The following DACH1 variants were observed in gnomAD, a reference collection of about 807,000 sequenced individuals.
DACH1 encodes dachshund family transcription factor 1.
In DACH1, 12 loss-of-function variants were observed where a neutral mutation model predicts 54.2. That is an observed-to-expected ratio of 0.22 (90% CI 0.14 to 0.36). DACH1 has a LOEUF of 0.36. DACH1 is among the 10% of genes least tolerant of loss of function. DACH1 has a pLI of 1.00. For synonymous variants in DACH1, 386 were observed against 366.2 expected (o/e 1.05, Z -0.62); for missense variants, 805 against 929.8 (o/e 0.87, Z 1.75).
chr13:71,586,181 C>T (rs896098094), intron 3 of DACH1, among the ~76,000 whole-genome samples: 8 of 152,072 alleles, frequency 5.3e-5, no homozygotes, highest in Non-Finnish European at 1.0e-4. Context: ...TACCAGCTCA[C>T]CAATAACTGA....
At chr13:71,565,014 C>T (rs377594554) in intron 4 of DACH1, among the ~76,000 whole-genome samples, 1 of 151,970 alleles carries the variant, frequency 6.6e-6, no homozygotes, top group Non-Finnish European at 1.5e-5. Context: ...CTCCACCTCC[C>T]TGGTTCAAGC....
Position 71,866,592 on chromosome 13 carries a change from T to C in DACH1, c.178A>G (p.Ile60Val). 4 of 1,298,958 alleles carry C rather than the reference T, an allele frequency of 3.1e-6. No homozygotes were observed. In the African/African-American group the frequency reaches 6.1e-5, roughly 20 times the overall value. The allele number at this position is 1,298,958 out of a possible 1,614,324, so 80.5% of individuals were successfully genotyped here. A position where few individuals can be genotyped will look rare whatever the true frequency, so the allele number is the denominator to read the frequency against. Residue 60 changes from isoleucine to valine, a missense_variant, in exon 1 of 11, where the codon ATC becomes GTC. By Grantham distance (29) the Ile-to-Val change is conservative. Transcript: ENST00000613252. ...SGPTLFRPEP[I>V]ASAAAAAATV... ...GCCGCCGCCGCCGCCGCCGAAGCGA[T>C]GGGCTCCGGGCGGAACAGAGTTGGC...
intron 10 of DACH1, among the ~76,000 whole-genome samples, chr13:71,470,885 A>AGGC (rs1877010152): frequency 6.6e-6 from 1 of 152,198 alleles, no homozygotes; most frequent in African/African-American, 2.4e-5. Context: ...GATAAGAAGA[A>AGGC]GGCATTGAAC....
At chr13:71,484,578 G>A (rs1280237618) in intron 7 of DACH1, among the ~76,000 whole-genome samples, 1 of 152,044 alleles carries the variant, frequency 6.6e-6, no homozygotes, top group Non-Finnish European at 1.5e-5. Flanking sequence ...TCCCCTCATG[G>A]CAAATATCTT....
At chr13:71,744,626 T>G (rs1884532151) in intron 1 of DACH1, among the ~76,000 whole-genome samples, 2 of 152,224 alleles carry the variant, frequency 1.3e-5, no homozygotes, top group Admixed American at 1.3e-4. Flanking sequence ...AAGACCATGC[T>G]GCTAAGAATA....
chr13:71,779,523 T>G (rs1186779997), intron 1 of DACH1, among the ~76,000 whole-genome samples: 1 of 151,894 alleles, frequency 6.6e-6, no homozygotes, highest in Non-Finnish European at 1.5e-5. Flanking sequence ...CTCCAACTTT[T>G]TGCTTGTAAA....
At chr13:71,630,525 C>G in intron 3 of DACH1, 31 bp downstream of exon 3, 1 of 1,532,444 alleles carries the variant, frequency 6.5e-7, no homozygotes, top group Non-Finnish European at 8.7e-7. Flanking sequence ...GCAAAGTGAT[C>G]ACAATAAGTT....
At chr13:71,778,769 A>G (rs1886182634) in intron 1 of DACH1, among the ~76,000 whole-genome samples, 2 of 152,112 alleles carry the variant, frequency 1.3e-5, no homozygotes, top group Admixed American at 6.5e-5. Context: ...CATTTCCAAA[A>G]AATTAAACTT....
chr13:71,573,343 A>G, intron 3 of DACH1: 1 of 691,418 alleles, frequency 1.4e-6, no homozygotes, highest in Non-Finnish European at 2.7e-6. Context: ...TCTCTTTATT[A>G]TGTCCTATTT....
chr13:71,572,769 TA>T, intron 4 of DACH1, 70 bp downstream of exon 4: 1 of 1,482,646 alleles, frequency 6.7e-7, no homozygotes, highest in Non-Finnish European at 9.1e-7. Flanking sequence ...ACTTATGGAA[TA>T]AGAAAAATGG....
At chr13:71,830,795 T>C (rs1413119611) in intron 1 of DACH1, among the ~76,000 whole-genome samples, 2 of 151,872 alleles carry the variant, frequency 1.3e-5, no homozygotes, top group Admixed American at 1.3e-4. Flanking sequence ...TCCCATCTTA[T>C]TTACTTTTGG....
chr13:71,584,085 A>G (rs1294235524), intron 3 of DACH1, among the ~76,000 whole-genome samples: 6 of 152,182 alleles, frequency 3.9e-5, no homozygotes, highest in Non-Finnish European at 7.3e-5. Context: ...ATCATCATAT[A>G]CAGATGCTCT....
At chr13:71,589,026 G>C (rs921387947) in intron 3 of DACH1, among the ~76,000 whole-genome samples, 1 of 151,880 alleles carries the variant, frequency 6.6e-6, no homozygotes. Flanking sequence ...ATGCGATAGT[G>C]TTTATCAAAA....
chr13:71,719,610 C>T (rs1883139341), intron 1 of DACH1, among the ~76,000 whole-genome samples: 1 of 152,074 alleles, frequency 6.6e-6, no homozygotes, highest in African/African-American at 2.4e-5. Flanking sequence ...TTCTTTCCAT[C>T]AAAAACAGAT....
chr13:71,440,305 G>C lies in DACH1; in HGVS notation c.*350C>G, dbSNP rs1873900064. ...GATGTGCTCAGATACAGAATTTTCA[G>C]AAGAGGAAAATGGTTCATTCCATTA... On this transcript the variant is annotated 3_prime_UTR_variant, in exon 11 of 11. Transcript: ENST00000613252. The C allele has an allele frequency of 5.0e-6, 1 of 198,242 alleles. No homozygotes were observed. The highest frequency in any genetic ancestry group is 9.7e-5 in the South Asian group (1 of 10,272). The allele number at this position is 198,242 out of a possible 1,614,324, so 12.3% of individuals were successfully genotyped here.
At chr13:71,631,068 T>C (rs1382242180) in intron 2 of DACH1, among the ~76,000 whole-genome samples, 2 of 152,184 alleles carry the variant, frequency 1.3e-5, no homozygotes, top group African/African-American at 4.8e-5. Context: ...GGGAAAAATC[T>C]GAACTGTTAA....
At chr13:71,773,972 G>T in intron 1 of DACH1, among the ~76,000 whole-genome samples, 1 of 129,646 alleles carries the variant, frequency 7.7e-6, no homozygotes, top group South Asian at 2.3e-4. Context: ...TCTATTGCCT[G>T]TTTAAAAAAA....
At chr13:71,728,751 C>G (rs975744036) in intron 1 of DACH1, among the ~76,000 whole-genome samples, 1 of 151,934 alleles carries the variant, frequency 6.6e-6, no homozygotes, top group African/African-American at 2.4e-5. Flanking sequence ...TATTGTCTGT[C>G]TTTTAACTCT....
At chr13:71,662,976 A>G (rs1165757150) in intron 2 of DACH1, among the ~76,000 whole-genome samples, 4 of 151,996 alleles carry the variant, frequency 2.6e-5, no homozygotes, top group Admixed American at 2.6e-4. Flanking sequence ...ATATTTGTTG[A>G]ATATTTATGA....
Sources: allele counts gnomAD v4.1 joint callset (sites outside exome capture counted in the v4.1 genomes callset), GRCh38; gene constraint gnomAD v4.1.1; transcripts MANE v1.5; gene names NCBI Gene and HGNC (gene_info 2026-07-23, HGNC 2026-07-21).